The following COL10A1 variants were observed in gnomAD, a reference collection of about 807,000 sequenced individuals.
COL10A1 encodes collagen type X alpha 1 chain, also known as collagen alpha-1(X) chain.
COL10A1 carries 10 observed loss-of-function variants against 18.2 expected under a neutral mutation model. The ratio of observed to expected loss-of-function variants is 0.55; its 90% CI spans 0.34 to 0.93. The LOEUF (loss-of-function observed/expected upper bound fraction) is 0.93. Ranked by LOEUF, COL10A1 falls within the 40% of genes least tolerant of loss-of-function variation. The pLI is 0.02. For synonymous variants in COL10A1, 330 were observed against 316.6 expected, an observed-to-expected ratio of 1.04 and a Z score of -0.45; for missense variants, 897 against 853.5, an observed-to-expected ratio of 1.05 and a Z score of -0.64.
Position 116,120,169 on chromosome 6 carries a change from C to G in COL10A1, c.1947G>C (p.Gln649His), listed in dbSNP as rs1779066856. 1.9e-6 allele frequency: 3 copies of G among 1,614,120 alleles called. No homozygotes were observed. The highest frequency in any genetic ancestry group is 8.5e-7 in the Non-Finnish European group (1 of 1,180,016). ...CGGCATTGGGAAGCTGGAGCCACAC[C>G]TGGTCATTTTCTGTGAGATCGATGA... is the stretch of plus-strand genomic sequence containing the variant. ...SAIIDLTENDQVWLQLPNAES... is the reference protein window; with the variant it reads ...SAIIDLTENDHVWLQLPNAES... Residue 649 changes from glutamine (Q) to histidine (H), a missense_variant, in exon 3 of 3, where the codon CAG becomes CAC. Gln to His is a conservative substitution (Grantham distance 24). Coordinates refer to ENST00000651968, the MANE Select transcript of COL10A1 (RefSeq NM_000493.4).
At chr6:116,164,449 C>T in the COL10A1 span, among the ~76,000 whole-genome samples, 1 of 152,120 alleles carries the variant, frequency 6.6e-6, no homozygotes, top group African/African-American at 2.4e-5. Flanking sequence ...TATCTTTCTC[C>T]ACCCCTTTAC....
intron 1 of COL10A1, among the ~76,000 whole-genome samples, chr6:116,147,668 C>T (rs2114386275): frequency 6.6e-6 from 1 of 152,172 alleles, no homozygotes; most frequent in Non-Finnish European, 1.5e-5. Context: ...CAAATAGAAA[C>T]TGTTACAAGA....
intron 1 of COL10A1, among the ~76,000 whole-genome samples, chr6:116,142,878 A>G (rs545590591): frequency 3.9e-5 from 6 of 152,176 alleles, no homozygotes; most frequent in Admixed American, 6.5e-5. Flanking sequence ...GTTGCTTCAC[A>G]TATATGTCAG....
rs775927537 is a variant in COL10A1 at position 116,121,460 on chromosome 6, A to G, written c.656T>C (p.Val219Ala). 23 of 1,611,466 alleles carry G rather than the reference A, an allele frequency of 1.4e-5. No homozygotes were observed. Among genetic ancestry groups the G allele is most frequent in the Middle Eastern group, 3.3e-4 (2 of 6,074 alleles). ...GPTGPSGPPG[V>A]GKRGENGVPG... The stretch of plus-strand genomic sequence containing the variant: ...AACCCCATTTTCACCTCTTTTTCCC[A>G]CTCCAGGAGGGCCAGATGGTCCTGT... The change falls in exon 3 of 3, where the codon GTG becomes GCG. Residue 219 changes from valine (V) to alanine (A), a missense_variant. Transcript: ENST00000651968.
At position 116,120,133 on chromosome 6, in the gene COL10A1, G is replaced by C. The variant is rs138565700; in HGVS notation, c.1983C>G (p.Gly661=). 6.2e-7 allele frequency: 1 copy of C among 1,614,108 alleles called. No homozygotes were observed. The highest frequency in any genetic ancestry group is 8.5e-7 in the Non-Finnish European group (1 of 1,180,018). Residue 661 remains glycine (G), a synonymous_variant, in exon 3 of 3, where the codon GGC becomes GGG. Transcript: ENST00000651968. The part of the protein sequence containing the change: ...WLQLPNAESN[G]LYSSEYVHSS... ...AGTGGACATACTCAGAGGAGTATAG[G>C]CCATTTGACTCGGCATTGGGAAGCT...
At chr6:116,155,434 C>T (rs184330498) in intron 1 of COL10A1, among the ~76,000 whole-genome samples, 44 of 152,156 alleles carry the variant, frequency 2.9e-4, no homozygotes, top group Admixed American at 7.9e-4. Context: ...TCTGGGTGCT[C>T]TAGAGGACCA....
chr6:116,206,731 T>G, the COL10A1 span, among the ~76,000 whole-genome samples: 1 of 152,028 alleles, frequency 6.6e-6, no homozygotes, highest in African/African-American at 2.4e-5. Context: ...TTTTGATGTT[T>G]TAAATGGATT....
At chr6:116,171,014 C>T in the COL10A1 span, among the ~76,000 whole-genome samples, 278 of 152,222 alleles carry the variant, frequency 1.8e-3, 3 homozygotes, top group African/African-American at 5.7e-3. Flanking sequence ...CACCCTACCA[C>T]GCCTCTTCAT....
chr6:116,134,688 G>T (rs1346992906), intron 1 of COL10A1, among the ~76,000 whole-genome samples: 1 of 152,116 alleles, frequency 6.6e-6, no homozygotes, highest in Non-Finnish European at 1.5e-5. Context: ...TTCTTGTAGA[G>T]GTCCTAGTAT....
the COL10A1 span, among the ~76,000 whole-genome samples, chr6:116,187,138 A>G: frequency 6.6e-6 from 1 of 151,896 alleles, no homozygotes; most frequent in Admixed American, 6.6e-5. Context: ...TCTCCTCTGA[A>G]TCTAGCCACC....
chr6:116,183,111 C>A, the COL10A1 span, among the ~76,000 whole-genome samples: 5 of 152,112 alleles, frequency 3.3e-5, no homozygotes, highest in Non-Finnish European at 5.9e-5. Flanking sequence ...GTTGTCCCTG[C>A]ACCATTTGTT....
At chr6:116,135,660 A>T (rs1562132357) in intron 1 of COL10A1, among the ~76,000 whole-genome samples, 1 of 149,628 alleles carries the variant, frequency 6.7e-6, no homozygotes, top group Non-Finnish European at 1.5e-5. Flanking sequence ...ACTAACAAAC[A>T]TTTTTTTTTC....
At chr6:116,182,224 T>A in the COL10A1 span, among the ~76,000 whole-genome samples, 18 of 73,122 alleles carry the variant, frequency 2.5e-4, no homozygotes, top group South Asian at 9.7e-4. Context: ...CCATGGAGAG[T>A]GTGTGTGTGT....
chr6:116,210,544 G>T, the COL10A1 span, among the ~76,000 whole-genome samples: 1 of 151,768 alleles, frequency 6.6e-6, no homozygotes, highest in Admixed American at 6.6e-5. Context: ...TCTGTATCTC[G>T]GATTTTCAGT....
the COL10A1 span, among the ~76,000 whole-genome samples, chr6:116,188,222 G>C: frequency 6.6e-6 from 1 of 152,036 alleles, no homozygotes; most frequent in South Asian, 2.1e-4. Context: ...GAAGCAAAGA[G>C]AACCCTTAAA....
At chr6:116,168,081 GT>G in the COL10A1 span, among the ~76,000 whole-genome samples, 573 of 128,004 alleles carry the variant, frequency 4.5e-3, 4 homozygotes, top group African/African-American at 0.016. Context: ...TGTACCTGGT[GT>G]CTTTTTTTTT....
chr6:116,178,106 C>CGTGTGTGTGTGT, the COL10A1 span, among the ~76,000 whole-genome samples: 1 of 130,830 alleles, frequency 7.6e-6, no homozygotes, highest in Middle Eastern at 3.8e-3. Context: ...CGCGCGCGTG[C>CGTGTGTGTGTGT]GTGCGTGTGT....
rs746303086 is a variant in COL10A1 at position 116,120,927 on chromosome 6, C to T, written c.1189G>A (p.Asp397Asn). 3.7e-6 allele frequency: 6 copies of T among 1,613,804 alleles called. No homozygotes were observed. The highest frequency in any genetic ancestry group is 1.6e-4 in the Middle Eastern group (1 of 6,082). ...KPGYPGKPGL[D>N]GPKGNPGLPG... Reference sequence around the variant, plus strand: ...AACCCTGGGTTACCCTTAGGACCATCGAGACCTGGTTTTCCTGGGTACCCT... The same window carrying T: ...AACCCTGGGTTACCCTTAGGACCATTGAGACCTGGTTTTCCTGGGTACCCT... Residue 397 changes from aspartate to asparagine, a missense_variant, in exon 3 of 3, where the codon GAT becomes AAT. Physicochemically the swap from Asp to Asn is conservative, Grantham distance 23. Transcript: ENST00000651968.
At chr6:116,175,933 G>A in the COL10A1 span, among the ~76,000 whole-genome samples, 1 of 152,018 alleles carries the variant, frequency 6.6e-6, no homozygotes, top group South Asian at 2.1e-4. Flanking sequence ...TTGTCTTTTA[G>A]CGCTGGGTTG....
Sources: gnomAD v4.1 joint callset for allele counts (sites outside exome capture counted in the v4.1 genomes callset) on GRCh38, gnomAD v4.1.1 for gene constraint, MANE v1.5 for transcripts, NCBI Gene and HGNC (gene_info 2026-07-23, HGNC 2026-07-21) for gene names.